Variants in SLC39A10 observed in about 807,000 individuals in gnomAD.
SLC39A10 encodes the protein zinc transporter ZIP10.
Under a neutral mutation model 65.1 loss-of-function variants are expected in SLC39A10, and 13 were observed. The ratio of observed to expected loss-of-function variants is 0.20; its 90% CI spans 0.13 to 0.32. SLC39A10 has a LOEUF of 0.32. SLC39A10 is among the 10% of genes least tolerant of loss of function. SLC39A10 has a pLI of 1.00. For missense variants in SLC39A10, 831 were observed against 1,018.4 expected (o/e 0.82, Z 2.50); for synonymous variants, 321 against 342.2 (o/e 0.94, Z 0.68).
In SLC39A10 at chr2:195,737,408, G is replaced by GTGA. The variant is rs1483635693; in HGVS notation, c.*2369_*2371dup. ...TCACATTGCATTCAATCAATCAGCTGTGATTGATTGATTATGCTTAGAAAT... is the reference window on the plus strand; with the variant it reads ...TCACATTGCATTCAATCAATCAGCTGTGATGATTGATTGATTATGCTTAGAAAT... On this transcript the variant is annotated 3_prime_UTR_variant, in exon 10 of 10. Transcript: ENST00000359634. 1 of 156,082 alleles carries GTGA rather than the reference G, an allele frequency of 6.4e-6. No individual in the cohort carries two copies. The highest frequency in any genetic ancestry group is 1.4e-5 in the Non-Finnish European group (1 of 70,274). The allele number at this position is 156,082 out of a possible 1,614,324, so 9.7% of individuals were successfully genotyped here.
intron 2 of SLC39A10, among the ~76,000 whole-genome samples, chr2:195,648,164 TA>T (rs1423887882): frequency 6.6e-6 from 1 of 152,102 alleles, no homozygotes; most frequent in Non-Finnish European, 1.5e-5. Context: ...ATCTAATTTT[TA>T]AAACAATTTT....
intron 2 of SLC39A10, among the ~76,000 whole-genome samples, chr2:195,683,112 T>C (rs1302716540): frequency 6.6e-6 from 1 of 151,958 alleles, no homozygotes; most frequent in Non-Finnish European, 1.5e-5. Context: ...GTTTTGTTTT[T>C]TATTATTTTT....
upstream of SLC39A10, among the ~76,000 whole-genome samples, chr2:195,655,996 G>T (rs1689136621): frequency 6.6e-6 from 1 of 152,176 alleles, no homozygotes; most frequent in African/African-American, 2.4e-5. Flanking sequence ...TGTGATACCA[G>T]GCAAGTTAAA....
chr2:195,683,587 T>C, intron 2 of SLC39A10, 112 bp from the exon 3 acceptor site: 1 of 779,632 alleles, frequency 1.3e-6, no homozygotes, highest in Non-Finnish European at 2.0e-6. Context: ...ATCTATGTAT[T>C]ACAGATTATT....
At chr2:195,625,044 C>G (rs900769328) in intron 2 of SLC39A10, among the ~76,000 whole-genome samples, 2 of 150,164 alleles carry the variant, frequency 1.3e-5, no homozygotes, top group African/African-American at 4.9e-5. Context: ...TGGTGAAAAC[C>G]CATCTCTACT....
chr2:195,663,548 G>A (rs1689501190), intron 1 of SLC39A10, among the ~76,000 whole-genome samples: 1 of 152,026 alleles, frequency 6.6e-6, no homozygotes, highest in Non-Finnish European at 1.5e-5. Flanking sequence ...AACGTATTCT[G>A]TGTATATATA....
chr2:195,699,193 TAGTC>T (rs1187605147), intron 3 of SLC39A10, among the ~76,000 whole-genome samples: 3 of 151,994 alleles, frequency 2.0e-5, no homozygotes, highest in Non-Finnish European at 4.4e-5. Flanking sequence ...CTCTTTTTCT[TAGTC>T]AGTCTAGCTA....
At position 195,628,006 on chromosome 2, in the gene SLC39A10, A is replaced by G. The variant is rs567928287; in HGVS notation, c.-12+21773A>G. Among the ~76,000 whole-genome samples the G allele has an allele frequency of 2.0e-5, 3 of 152,374 alleles. No homozygotes were observed. In the East Asian group the frequency reaches 5.8e-4, roughly 29 times the overall value. Reference sequence around the variant, plus strand: ...GATAACCGCTTTGCATTAGATCAGCAAAGTCAATGTCATTTCTACCATCTT... The same window carrying G: ...GATAACCGCTTTGCATTAGATCAGCGAAGTCAATGTCATTTCTACCATCTT... On this transcript the variant is annotated intron_variant, in intron 2 of 2. Transcript: ENST00000458054.
Position 195,735,127 on chromosome 2 carries a change from G to GGAAA in SLC39A10, c.*88_*91dup. ...TTGTACTGTATGCACATTGCTCAAAGGAAAGTCAGTGGCTTGCACTACTTA... is the reference window on the plus strand; with the variant it reads ...TTGTACTGTATGCACATTGCTCAAAGGAAAGAAAGTCAGTGGCTTGCACTACTTA... On this transcript the variant is annotated 3_prime_UTR_variant, in exon 10 of 10. Coordinates refer to ENST00000359634, the MANE Select transcript of SLC39A10 (RefSeq NM_020342.3). 1 of 1,390,600 alleles carries GGAAA rather than the reference G, an allele frequency of 7.2e-7. No individual in the cohort carries two copies. The highest frequency in any genetic ancestry group is 2.6e-5 in the East Asian group (1 of 39,154). The allele number at this position is 1,390,600 out of a possible 1,614,324, so 86.1% of individuals were successfully genotyped here. A position where few individuals can be genotyped will look rare whatever the true frequency, so the allele number is the denominator to read the frequency against.
chr2:195,681,858 A>C (rs970171431), intron 2 of SLC39A10, among the ~76,000 whole-genome samples: 2 of 152,192 alleles, frequency 1.3e-5, no homozygotes, highest in South Asian at 4.1e-4. Context: ...TGAATTAACT[A>C]TTGAGTGGTT....
At chr2:195,726,215 C>T (rs1219254209) in intron 8 of SLC39A10, among the ~76,000 whole-genome samples, 3 of 152,046 alleles carry the variant, frequency 2.0e-5, no homozygotes, top group African/African-American at 7.2e-5. Context: ...TATTTTGTAC[C>T]CATGACACCG....
intron 1 of SLC39A10, among the ~76,000 whole-genome samples, chr2:195,669,024 G>A (rs1033571280): frequency 3.3e-5 from 5 of 150,244 alleles, no homozygotes; most frequent in African/African-American, 9.8e-5. Flanking sequence ...GCAGTGAGCC[G>A]AGATCGTGCC....
At chr2:195,681,709 C>T (rs899366538) in intron 2 of SLC39A10, among the ~76,000 whole-genome samples, 5 of 152,004 alleles carry the variant, frequency 3.3e-5, no homozygotes, top group Admixed American at 1.3e-4. Flanking sequence ...AATTATTTGA[C>T]CCTCCAAGCT....
intron 2 of SLC39A10, among the ~76,000 whole-genome samples, chr2:195,644,053 A>G (rs1365315210): frequency 6.6e-6 from 1 of 152,256 alleles, no homozygotes; most frequent in African/African-American, 2.4e-5. Flanking sequence ...GCTACAAAGT[A>G]TCAAAACAAA....
rs1381110709 is a variant in SLC39A10, at chr2:195,728,058, AGT to A, written c.2147-96_2147-95del. On this transcript the variant is annotated intron_variant, in intron 8 of 9. Coordinates refer to ENST00000359634, the MANE Select transcript of SLC39A10 (RefSeq NM_020342.3). The surrounding 1 kb of genome is among the most constrained non-coding windows in gnomAD (Gnocchi z 4.4). ...TATCACATAAAATACTGTTATTAAA[AGT>A]GTGTATCTTTTTAATGCTGATTTTA... 10 of 1,038,892 alleles carry A rather than the reference AGT, an allele frequency of 9.6e-6. No individual in the cohort carries two copies. In the African/African-American group the frequency reaches 1.1e-4, roughly 12 times the overall value. 64.4% of individuals were successfully genotyped at this position (1,038,892 alleles called of 1,614,324 possible).
chr2:195,675,552 C>T (rs1690049177), intron 1 of SLC39A10, among the ~76,000 whole-genome samples: 2 of 152,214 alleles, frequency 1.3e-5, no homozygotes, highest in Admixed American at 1.3e-4. Flanking sequence ...TCTCCTCAGC[C>T]TCCCGAGTAG....
chr2:195,693,373 C>G (rs1690816423), intron 3 of SLC39A10, among the ~76,000 whole-genome samples: 1 of 152,078 alleles, frequency 6.6e-6, no homozygotes, highest in Non-Finnish European at 1.5e-5. Context: ...CCTTTTGTAT[C>G]CTGAGGAATA....
chr2:195,718,054 G>T (rs562413845), intron 7 of SLC39A10, among the ~76,000 whole-genome samples, 198 bp from the exon 8 acceptor site: 3 of 152,222 alleles, frequency 2.0e-5, no homozygotes, highest in African/African-American at 7.2e-5. Context: ...TGCTTTTATT[G>T]AATAGCTATT....
chr2:195,633,730 C>T (rs1688641081), intron 2 of SLC39A10, among the ~76,000 whole-genome samples: 1 of 152,164 alleles, frequency 6.6e-6, no homozygotes, highest in Admixed American at 6.5e-5. Context: ...TTGCTGGACT[C>T]CACTCTGAAG....
Sources: gnomAD v4.1 joint callset for allele counts (sites outside exome capture counted in the v4.1 genomes callset) on GRCh38, gnomAD v4.1.1 for gene constraint, Gnocchi (gnomAD v3.1) non-coding constraint, MANE v1.5 for transcripts, NCBI Gene and HGNC (gene_info 2026-07-23, HGNC 2026-07-21) for gene names.